SKIC2: variants seen among roughly 807,000 people sequenced by gnomAD.
SKIC2 encodes the protein superkiller complex protein 2.
the SKIC2 span, chr6:31,963,303 T>C: frequency 9.3e-7 from 1 of 1,077,896 alleles, no homozygotes; most frequent in Non-Finnish European, 1.3e-6. The surrounding 1 kb of genome is among the most constrained non-coding windows in gnomAD (Gnocchi z 5.3). Flanking sequence ...AGCCTTCCAT[T>C]CTGGGTCTCA....
the SKIC2 span, chr6:31,963,966 GC>G: frequency 6.2e-7 from 1 of 1,612,298 alleles, no homozygotes; most frequent in African/African-American, 1.3e-5. This position sits in a 1 kb window ranked among gnomAD's most constrained non-coding sequence, Gnocchi z 5.3. Flanking sequence ...GTGCCCAGTT[GC>G]CCGTGGTGGT....
chr6:31,963,625 C>A, the SKIC2 span: 1 of 1,534,712 alleles, frequency 6.5e-7, no homozygotes, highest in Non-Finnish European at 8.8e-7. This position sits in a 1 kb window ranked among gnomAD's most constrained non-coding sequence, Gnocchi z 5.3. Context: ...GCTACCCCTC[C>A]CTGTGCCCCA....
the SKIC2 span, chr6:31,969,493 C>T: frequency 6.2e-7 from 1 of 1,612,734 alleles, no homozygotes; most frequent in Non-Finnish European, 8.5e-7. This position sits in a 1 kb window ranked among gnomAD's most constrained non-coding sequence, Gnocchi z 6.1. Flanking sequence ...TGCATCCAGT[C>T]CTCACCCTAC....
chr6:31,968,484 G>A, the SKIC2 span: 8 of 1,612,900 alleles, frequency 5.0e-6, no homozygotes, highest in Non-Finnish European at 6.8e-6. The surrounding 1 kb of genome is among the most constrained non-coding windows in gnomAD (Gnocchi z 6.1). Flanking sequence ...CCCGGAAGCT[G>A]GAGGAGCTGA....
the SKIC2 span, chr6:31,965,675 A>G: frequency 1.5e-6 from 1 of 665,024 alleles, no homozygotes; most frequent in Non-Finnish European, 2.7e-6. This position sits in a 1 kb window ranked among gnomAD's most constrained non-coding sequence, Gnocchi z 5.6. Context: ...CCCATAAGTA[A>G]CAACTGGGAT....
chr6:31,961,512 T>G, the SKIC2 span: 14 of 1,567,652 alleles, frequency 8.9e-6, no homozygotes, highest in Middle Eastern at 1.7e-4. Flanking sequence ...GCCCTCTGGT[T>G]GTATCTTTAT....
chr6:31,967,240 G>A, the SKIC2 span: 2 of 1,609,612 alleles, frequency 1.2e-6, no homozygotes, highest in African/African-American at 2.7e-5. This position sits in a 1 kb window ranked among gnomAD's most constrained non-coding sequence, Gnocchi z 4.9. Flanking sequence ...CTGTCCCTGT[G>A]ATGCCTCCTC....
chr6:31,960,762 G>A, the SKIC2 span: 1 of 1,509,270 alleles, frequency 6.6e-7, no homozygotes, highest in Non-Finnish European at 8.9e-7. Flanking sequence ...CTCTGAGTCT[G>A]AGCCTTGAGG....
the SKIC2 span, chr6:31,963,820 G>C: frequency 6.7e-7 from 1 of 1,482,750 alleles, no homozygotes; most frequent in Admixed American, 1.7e-5. The surrounding 1 kb of genome is among the most constrained non-coding windows in gnomAD (Gnocchi z 5.3). Flanking sequence ...GTTTTGACTT[G>C]AGCTTTGAGC....
the SKIC2 span, chr6:31,960,129 C>G: frequency 6.2e-7 from 1 of 1,610,954 alleles, no homozygotes; most frequent in Non-Finnish European, 8.5e-7. Context: ...GGTGAGGAGT[C>G]TGGAGGGGCT....
the SKIC2 span, chr6:31,963,173 C>G: frequency 9.5e-7 from 1 of 1,050,994 alleles, no homozygotes; most frequent in Non-Finnish European, 1.4e-6. This position sits in a 1 kb window ranked among gnomAD's most constrained non-coding sequence, Gnocchi z 5.3. Flanking sequence ...TCTACCACAG[C>G]AAGGAGAGCG....
chr6:31,961,259 G>T, the SKIC2 span: 1 of 1,612,344 alleles, frequency 6.2e-7, no homozygotes, highest in Non-Finnish European at 8.5e-7. Flanking sequence ...CTGGATTTGG[G>T]TGGGGGTGAC....
chr6:31,969,579 G>A, the SKIC2 span: 4 of 1,613,790 alleles, frequency 2.5e-6, no homozygotes, highest in South Asian at 1.1e-5. This position sits in a 1 kb window ranked among gnomAD's most constrained non-coding sequence, Gnocchi z 6.1. Context: ...TGCATTCAGC[G>A]CCTGGCTGAG....
At chr6:31,968,470 C>T in the SKIC2 span, 71 of 1,612,996 alleles carry the variant, frequency 4.4e-5, no homozygotes, top group East Asian at 2.5e-4. The surrounding 1 kb of genome is among the most constrained non-coding windows in gnomAD (Gnocchi z 6.1). Flanking sequence ...GGGTGGGCTC[C>T]GGGCCCGGAA....
the SKIC2 span, chr6:31,967,563 G>C: frequency 1.1e-6 from 1 of 904,704 alleles, no homozygotes; most frequent in African/African-American, 1.6e-5. The surrounding 1 kb of genome is among the most constrained non-coding windows in gnomAD (Gnocchi z 4.9). Context: ...ACCCCAAGAA[G>C]TCTGCTCTGA....
At chr6:31,969,691 T>C in the SKIC2 span, 1 of 1,602,522 alleles carries the variant, frequency 6.2e-7, no homozygotes, top group African/African-American at 1.3e-5. The surrounding 1 kb of genome is among the most constrained non-coding windows in gnomAD (Gnocchi z 6.1). Context: ...ACATCGTATT[T>C]GCGGCCAGCC....
the SKIC2 span, chr6:31,968,815 G>A: frequency 6.2e-7 from 1 of 1,609,350 alleles, no homozygotes; most frequent in Non-Finnish European, 8.5e-7. This position sits in a 1 kb window ranked among gnomAD's most constrained non-coding sequence, Gnocchi z 6.1. Context: ...GGCAGTGGTT[G>A]GGGCAGGGGG....
chr6:31,964,518 C>T, the SKIC2 span, among the ~76,000 whole-genome samples: 1 of 152,204 alleles, frequency 6.6e-6, no homozygotes, highest in Non-Finnish European at 1.5e-5. This position sits in a 1 kb window ranked among gnomAD's most constrained non-coding sequence, Gnocchi z 5.0. Context: ...CAGTATCATC[C>T]TGGACCAATT....
chr6:31,964,488 C>A, the SKIC2 span: 1 of 646,394 alleles, frequency 1.5e-6, no homozygotes, highest in Non-Finnish European at 2.8e-6. This position sits in a 1 kb window ranked among gnomAD's most constrained non-coding sequence, Gnocchi z 5.0. Flanking sequence ...GGTTTGAATC[C>A]CAGGTACACC....
Sources: allele counts gnomAD v4.1 joint callset (sites outside exome capture counted in the v4.1 genomes callset), GRCh38; gene constraint gnomAD v4.1.1; non-coding constraint Gnocchi (gnomAD v3.1); transcripts MANE v1.5; gene names NCBI Gene and HGNC (gene_info 2026-07-23, HGNC 2026-07-21).